GPR176: variants seen among roughly 807,000 people sequenced by gnomAD.
The protein encoded by GPR176 is G-protein coupled receptor 176.
Under a neutral mutation model 35.4 loss-of-function variants are expected in GPR176, and 26 were observed. The ratio of observed to expected loss-of-function variants is 0.74; its 90% CI spans 0.54 to 1.02. The LOEUF (loss-of-function observed/expected upper bound fraction) is 1.02, where lower values mean the gene tolerates loss of function less well. Among genes scored for constraint, GPR176 ranks in the 50% least tolerant of loss-of-function variants. The probability of loss-of-function intolerance (pLI) is 0.00; values close to 1 mark genes in which losing one functional copy is unlikely to be tolerated. For missense variants in GPR176, 597 were observed against 665.3 expected (o/e 0.90, Z 1.13); for synonymous variants, 278 against 271.3 (o/e 1.02, Z -0.24).
At chr15:39,853,266 C>T (rs2140812080) in intron 1 of GPR176, among the ~76,000 whole-genome samples, 1 of 152,266 alleles carries the variant, frequency 6.6e-6, no homozygotes, top group Admixed American at 6.5e-5. Context: ...TATATTAAAA[C>T]ATAGATGAAC....
intron 1 of GPR176, among the ~76,000 whole-genome samples, chr15:39,903,390 A>G (rs1330058797): frequency 6.6e-6 from 1 of 152,224 alleles, no homozygotes. Context: ...CAAATTATTC[A>G]TCATTCCTGG....
intron 1 of GPR176, among the ~76,000 whole-genome samples, chr15:39,833,451 T>C (rs1170586272): frequency 6.6e-6 from 1 of 152,044 alleles, no homozygotes; most frequent in East Asian, 1.9e-4. Context: ...GATAGACAAA[T>C]CCTTAGAAAC....
At chr15:39,908,366 C>T (rs1223272190) in intron 1 of GPR176, among the ~76,000 whole-genome samples, 1 of 152,172 alleles carries the variant, frequency 6.6e-6, no homozygotes, top group South Asian at 2.1e-4. Flanking sequence ...TCAGGCCCTG[C>T]AGGGCTGTGA....
chr15:39,919,741 T>C (rs1375528246), intron 1 of GPR176, 114 bp downstream of exon 1: 8 of 756,694 alleles, frequency 1.1e-5, no homozygotes, highest in Non-Finnish European at 1.6e-5. Context: ...CCTTCAACTC[T>C]CTGCACTTTG....
At chr15:39,839,686 C>G (rs1250440501) in intron 1 of GPR176, among the ~76,000 whole-genome samples, 1 of 152,268 alleles carries the variant, frequency 6.6e-6, no homozygotes. Context: ...TCAGAGCGAA[C>G]AGGCAACCTA....
chr15:39,848,932 TA>T (rs1322768090), intron 1 of GPR176, among the ~76,000 whole-genome samples: 1 of 117,658 alleles, frequency 8.5e-6, no homozygotes, highest in Non-Finnish European at 1.8e-5. Context: ...AAAAAAAACC[TA>T]AAAAAAAGAA....
intron 1 of GPR176, among the ~76,000 whole-genome samples, chr15:39,915,104 C>A (rs2033691739): frequency 1.3e-5 from 2 of 152,232 alleles, no homozygotes; most frequent in South Asian, 4.1e-4. Context: ...TTCACATGCT[C>A]ACTACAGACC....
At chr15:39,856,920 T>C (rs898638580) in intron 1 of GPR176, among the ~76,000 whole-genome samples, 3 of 152,180 alleles carry the variant, frequency 2.0e-5, no homozygotes, top group African/African-American at 7.2e-5. Context: ...CAGTACACAG[T>C]AGGCATTCCA....
chr15:39,827,524 ATCT>A (rs1900751570), intron 1 of GPR176, among the ~76,000 whole-genome samples: 1 of 152,236 alleles, frequency 6.6e-6, no homozygotes, highest in Non-Finnish European at 1.5e-5. Flanking sequence ...AGCATGCCCC[ATCT>A]TCTTCTATCC....
At position 39,802,273 on chromosome 15, in the gene GPR176, A is replaced by T; in HGVS notation, c.426-19T>A. 6.5e-7 allele frequency: 1 copy of T among 1,540,602 alleles called. No individual in the cohort carries two copies. Among genetic ancestry groups the T allele is most frequent in the Non-Finnish European group, 8.8e-7 (1 of 1,140,176 alleles). On this transcript the variant is annotated intron_variant, in intron 2 of 2. Coordinates refer to ENST00000561100, the MANE Select transcript of GPR176 (RefSeq NM_007223.3). ...GTAGTACCTGCAAGATACACAAACA[A>T]AATTAATTCCACAGAAGATACTTTT...
At chr15:39,900,510 T>G (rs1238395795) in intron 1 of GPR176, among the ~76,000 whole-genome samples, 1 of 152,198 alleles carries the variant, frequency 6.6e-6, no homozygotes, top group Non-Finnish European at 1.5e-5. Flanking sequence ...GCAGACCAAA[T>G]GGAAGTACAG....
At chr15:39,841,364 T>G (rs2029967784) in intron 1 of GPR176, among the ~76,000 whole-genome samples, 1 of 138,938 alleles carries the variant, frequency 7.2e-6, no homozygotes, top group African/African-American at 2.6e-5. Context: ...GTCCTCAGTA[T>G]CTCAGAATGT....
intron 1 of GPR176, among the ~76,000 whole-genome samples, chr15:39,894,830 G>A (rs2033048472): frequency 6.6e-6 from 1 of 152,266 alleles, no homozygotes; most frequent in Admixed American, 6.5e-5. Context: ...TGGCCGGGCA[G>A]AGGCTGCAAT....
chr15:39,867,933 T>C (rs1344259821), intron 1 of GPR176, among the ~76,000 whole-genome samples: 4 of 152,126 alleles, frequency 2.6e-5, no homozygotes, highest in South Asian at 2.1e-4. Flanking sequence ...AGATTTTACA[T>C]GAGGTTTGAA....
chr15:39,813,801 T>C (rs938977497), intron 1 of GPR176, among the ~76,000 whole-genome samples: 2 of 152,218 alleles, frequency 1.3e-5, no homozygotes, highest in Admixed American at 1.3e-4. Context: ...TTTTATAAAC[T>C]GTTTCCAATA....
intron 1 of GPR176, among the ~76,000 whole-genome samples, chr15:39,850,813 A>T (rs2030811112): frequency 6.6e-6 from 1 of 152,068 alleles, no homozygotes. Context: ...ATTTAAAAAT[A>T]AAAAAATCAT....
rs563507363 is a variant in GPR176 at position 39,913,543 on chromosome 15, T to C, written c.172+6312A>G. On this transcript the variant is annotated intron_variant, in intron 1 of 2. Transcript: ENST00000561100. ...CTGGGAGACAGAATAAGACCCTGTCTCAAAAAAAAAAAAGAAAAAAGAAAG... is the reference window on the plus strand; with the variant it reads ...CTGGGAGACAGAATAAGACCCTGTCCCAAAAAAAAAAAAGAAAAAAGAAAG... Among the ~76,000 whole-genome samples the C allele has an allele frequency of 1.3e-4, 19 of 144,264 alleles. No individual in the cohort carries two copies. In the East Asian group the frequency reaches 3.8e-3, roughly 29 times the overall value. The allele number at this position is 144,264 out of a possible 152,430, so 94.6% of individuals were successfully genotyped here.
intron 2 of GPR176, among the ~76,000 whole-genome samples, chr15:39,806,165 T>C (rs1013379303): frequency 1.3e-5 from 2 of 152,218 alleles, no homozygotes; most frequent in Non-Finnish European, 2.9e-5. Context: ...TAATCTAAAA[T>C]GTAGTTAAAT....
At position 39,919,848 on chromosome 15, in the gene GPR176, G is replaced by C. The variant is rs2033828424; in HGVS notation, c.172+7C>G. On this transcript the variant is annotated splice_region_variant and intron_variant, in intron 1 of 2. Transcript: ENST00000561100. ...CCCGGTCCGGAGGCGCCCCGCGGGAGGCTTACCGAGCAGCGAGCCTATGAA... is the reference window on the plus strand; with the variant it reads ...CCCGGTCCGGAGGCGCCCCGCGGGACGCTTACCGAGCAGCGAGCCTATGAA... 1 of 1,401,550 alleles carries C rather than the reference G, an allele frequency of 7.1e-7. No individual in the cohort carries two copies. The highest frequency in any genetic ancestry group is 9.3e-7 in the Non-Finnish European group (1 of 1,072,380). The allele number at this position is 1,401,550 out of a possible 1,614,324, so 86.8% of individuals were successfully genotyped here.
Sources: allele counts gnomAD v4.1 joint callset (sites outside exome capture counted in the v4.1 genomes callset), GRCh38; gene constraint gnomAD v4.1.1; transcripts MANE v1.5; gene names NCBI Gene and HGNC (gene_info 2026-07-23, HGNC 2026-07-21).